Variants in NIM1K observed in about 807,000 individuals in gnomAD.
The protein encoded by NIM1K is serine/threonine-protein kinase NIM1.
In NIM1K, 35 loss-of-function variants were observed where a neutral mutation model predicts 37.1. The ratio of observed to expected loss-of-function variants is 0.94; its 90% CI spans 0.72 to 1.25. The LOEUF (loss-of-function observed/expected upper bound fraction) is 1.25. Ranked by LOEUF, NIM1K falls within the 50% of genes most tolerant of loss-of-function variation. NIM1K has a pLI of 0.00. For missense variants in NIM1K, 564 were observed against 548.0 expected, an observed-to-expected ratio of 1.03 and a Z score of -0.29; for synonymous variants, 234 against 206.6, an observed-to-expected ratio of 1.13 and a Z score of -1.14.
At chr5:43,267,487 C>G (rs185918277) in intron 2 of NIM1K, among the ~76,000 whole-genome samples, 47 of 152,062 alleles carry the variant, frequency 3.1e-4, no homozygotes, top group African/African-American at 1.1e-3. Flanking sequence ...TTCTTTTCTT[C>G]TCTAGCTTTG....
chr5:43,252,182 A>C (rs1189140590), intron 2 of NIM1K, among the ~76,000 whole-genome samples: 9 of 152,214 alleles, frequency 5.9e-5, no homozygotes, highest in Non-Finnish European at 1.2e-4. Flanking sequence ...CGGGTTCCAA[A>C]GACTTCTTGT....
At chr5:43,264,822 C>G (rs1476353822) in intron 2 of NIM1K, among the ~76,000 whole-genome samples, 1 of 152,150 alleles carries the variant, frequency 6.6e-6, no homozygotes, top group African/African-American at 2.4e-5. Context: ...CTGGTGGTGA[C>G]AAAATCTCTC....
At chr5:43,210,986 C>T (rs1310720629) in intron 1 of NIM1K, among the ~76,000 whole-genome samples, 2 of 151,896 alleles carry the variant, frequency 1.3e-5, no homozygotes, top group Non-Finnish European at 2.9e-5. Flanking sequence ...GCCTGGCTAA[C>T]ATGGTGAAAC....
intron 1 of NIM1K, among the ~76,000 whole-genome samples, chr5:43,223,805 A>G (rs979402933): frequency 6.6e-6 from 1 of 152,226 alleles, no homozygotes; most frequent in Non-Finnish European, 1.5e-5. Context: ...TTAGGTTGAT[A>G]TAAATGAATT....
At position 43,280,495 on chromosome 5, in the gene NIM1K, C is replaced by A. The variant is rs200090269; in HGVS notation, c.1077C>A (p.Ser359Arg). The change falls in exon 4 of 4, where the codon AGC becomes AGA. Residue 359 changes from serine to arginine, a missense_variant. By Grantham distance (110) the Ser-to-Arg change is moderately radical. Coordinates refer to ENST00000326035, the MANE Select transcript of NIM1K (RefSeq NM_153361.4). ...TLKEEENEVK[S>R]TLEHLGITEE... is the part of the protein sequence containing the mutation. ...AGGAAGAAGAAAATGAGGTCAAAAG[C>A]ACTTTAGAACATTTGGGCATTACAG... The A allele has an allele frequency of 2.2e-5, 35 of 1,614,156 alleles. 1 individual carries two copies. The Admixed American group carries it at 5.7e-4, about 26-fold the overall frequency.
chr5:43,275,642 G>A (rs989063036), intron 2 of NIM1K, among the ~76,000 whole-genome samples: 2 of 152,154 alleles, frequency 1.3e-5, no homozygotes, highest in African/African-American at 4.8e-5. Context: ...AAATAAAACA[G>A]TTCATGTTGG....
chr5:43,229,764 G>A (rs1467236676), intron 1 of NIM1K, among the ~76,000 whole-genome samples: 1 of 151,608 alleles, frequency 6.6e-6, no homozygotes, highest in Non-Finnish European at 1.5e-5. Flanking sequence ...AGCCTCCTGA[G>A]TAGCTGGGAC....
Position 43,271,334 on chromosome 5 carries a change from A to T in NIM1K, c.293-5723A>T, listed in dbSNP as rs373101420. ...CAAAGTCAGTCATCTCTGAGGGTGC[A>T]TATACCCCCAGAGAATGCCCAAGAT... On this transcript the variant is annotated intron_variant, in intron 2 of 3. Coordinates refer to ENST00000326035, the MANE Select transcript of NIM1K (RefSeq NM_153361.4). 1.8e-4 allele frequency among the ~76,000 whole-genome samples: 28 copies of T among 152,192 alleles called. 1 individual carries two copies. Among genetic ancestry groups the T allele is most frequent in the African/African-American group, 5.3e-4 (22 of 41,526 alleles).
intron 2 of NIM1K, among the ~76,000 whole-genome samples, chr5:43,255,266 G>A (rs543223490): frequency 1.6e-3 from 247 of 152,310 alleles, no homozygotes; most frequent in African/African-American, 5.8e-3. Context: ...TCTTCAGTGA[G>A]ATTATTCACT....
chr5:43,198,213 CTT>C lies in NIM1K; in HGVS notation c.-695+5804_-695+5805del, dbSNP rs764716996. ...TTTCTTTCTTTCTTTCTTTCTCTTT[CTT>C]TCTTTCTTTCTTTCTTTCTTTCTTT... On this transcript the variant is annotated intron_variant, in intron 1 of 3. Coordinates refer to ENST00000326035, the MANE Select transcript of NIM1K (RefSeq NM_153361.4). Among the ~76,000 whole-genome samples, 288 of 83,214 alleles carry C rather than the reference CTT, an allele frequency of 3.5e-3. 4 individuals are homozygous for C. Among genetic ancestry groups the C allele is most frequent in the African/African-American group, 3.7e-3 (78 of 21,288 alleles). 54.6% of individuals were successfully genotyped at this position (83,214 alleles called of 152,430 possible).
At chr5:43,235,168 T>C (rs2112248514) in intron 1 of NIM1K, among the ~76,000 whole-genome samples, 1 of 152,362 alleles carries the variant, frequency 6.6e-6, no homozygotes, top group Middle Eastern at 3.4e-3. Flanking sequence ...TTAAGCTCTT[T>C]TAAATACATT....
At chr5:43,246,681 C>A (rs1380543403) in intron 2 of NIM1K, among the ~76,000 whole-genome samples, 1 of 152,192 alleles carries the variant, frequency 6.6e-6, no homozygotes, top group Non-Finnish European at 1.5e-5. Flanking sequence ...CCTGCCCTAG[C>A]TCTCATTGTT....
intron 1 of NIM1K, among the ~76,000 whole-genome samples, chr5:43,236,728 G>A (rs1752627352): frequency 6.6e-6 from 1 of 152,210 alleles, no homozygotes. Context: ...TATGGGAAGA[G>A]CTGATGTAAA....
chr5:43,267,552 G>C (rs555594628), intron 2 of NIM1K, among the ~76,000 whole-genome samples: 2 of 152,214 alleles, frequency 1.3e-5, no homozygotes, highest in African/African-American at 4.8e-5. Flanking sequence ...AGGGTGTCAA[G>C]TTGTGATCTT....
At chr5:43,200,491 G>A (rs146791488) in intron 1 of NIM1K, among the ~76,000 whole-genome samples, 4,491 of 151,588 alleles carry the variant, frequency 0.03, 110 homozygotes, top group Non-Finnish European at 0.042. Context: ...TAGTAGAGAC[G>A]GGGTTTCCCC....
At chr5:43,213,066 A>G (rs1306538192) in intron 1 of NIM1K, among the ~76,000 whole-genome samples, 1 of 152,084 alleles carries the variant, frequency 6.6e-6, no homozygotes, top group Non-Finnish European at 1.5e-5. Flanking sequence ...CTATGCCACC[A>G]TTTCAACCAC....
In NIM1K at chr5:43,245,152, A is replaced by G. The variant is rs556491798; in HGVS notation, c.-624A>G. 1 of 152,360 alleles carries G rather than the reference A, an allele frequency of 6.6e-6. No homozygotes were observed. The highest frequency in any genetic ancestry group is 2.1e-4 in the South Asian group (1 of 4,830). 9.4% of individuals were successfully genotyped at this position (152,360 alleles called of 1,614,324 possible). A position where few individuals can be genotyped will look rare whatever the true frequency, so the allele number is the denominator to read the frequency against. Reference sequence around the variant, plus strand: ...GTTCATCTAAATAAAGGCCGGCTAAAGTGACATTGCAGGGATTAAATCCTT... The same window carrying G: ...GTTCATCTAAATAAAGGCCGGCTAAGGTGACATTGCAGGGATTAAATCCTT... On this transcript the variant is annotated 5_prime_UTR_variant, in exon 2 of 4. Coordinates refer to ENST00000326035, the MANE Select transcript of NIM1K (RefSeq NM_153361.4).
chr5:43,221,766 G>A (rs1021364828), intron 1 of NIM1K, among the ~76,000 whole-genome samples: 4 of 152,210 alleles, frequency 2.6e-5, no homozygotes, highest in Non-Finnish European at 5.9e-5. Flanking sequence ...ACTGGCACAA[G>A]GGTAGGTTGA....
intron 1 of NIM1K, among the ~76,000 whole-genome samples, chr5:43,198,210 TTTCTTTCTTTC>T (rs1751958457): frequency 1.2e-5 from 1 of 82,272 alleles, no homozygotes; most frequent in Non-Finnish European, 2.5e-5. Context: ...TTTCTTTCTC[TTTCTTTCTTTC>T]TTTCTTTCTT....
Sources: allele counts gnomAD v4.1 joint callset (sites outside exome capture counted in the v4.1 genomes callset), GRCh38; gene constraint gnomAD v4.1.1; transcripts MANE v1.5; gene names NCBI Gene and HGNC (gene_info 2026-07-23, HGNC 2026-07-21).